Variants in PARD3 observed in about 807,000 individuals in gnomAD.
PARD3 encodes the protein partitioning defective 3 homolog.
PARD3 carries 75 observed loss-of-function variants against 155.4 expected under a neutral mutation model. That is an observed-to-expected ratio of 0.48 (90% CI 0.40 to 0.58). The LOEUF is 0.58. PARD3 is among the 20% of genes least tolerant of loss of function. PARD3 has a pLI of 0.00. For missense variants in PARD3, 1,642 were observed against 1,721.7 expected (o/e 0.95, Z 0.82); for synonymous variants, 576 against 610.5 (o/e 0.94, Z 0.83).
chr10:34,695,017 A>AT (rs796884436), intron 2 of PARD3, among the ~76,000 whole-genome samples: 21 of 152,206 alleles, frequency 1.4e-4, no homozygotes, highest in African/African-American at 5.1e-4. Context: ...TATCTGGGTG[A>AT]TCTTACCATC....
At chr10:34,683,277 T>C (rs191451397) in intron 2 of PARD3, among the ~76,000 whole-genome samples, 2 of 151,996 alleles carry the variant, frequency 1.3e-5, no homozygotes, top group East Asian at 3.9e-4. Flanking sequence ...GCAAAACTAT[T>C]TACCGGGTAC....
At chr10:34,787,553 G>A (rs748024859) in intron 1 of PARD3, among the ~76,000 whole-genome samples, 1 of 152,140 alleles carries the variant, frequency 6.6e-6, no homozygotes, top group East Asian at 1.9e-4. Flanking sequence ...AGGCTGCAGA[G>A]CATTTGAGCA....
At chr10:34,429,783 C>T (rs2075812119) in intron 5 of PARD3, among the ~76,000 whole-genome samples, 1 of 152,154 alleles carries the variant, frequency 6.6e-6, no homozygotes, top group Non-Finnish European at 1.5e-5. Context: ...GACACGGTTT[C>T]ACTATATTGG....
At chr10:34,205,821 C>G (rs17552880) in intron 22 of PARD3, among the ~76,000 whole-genome samples, 10,952 of 152,204 alleles carry the variant, frequency 0.072, 583 homozygotes, top group Middle Eastern at 0.12. Flanking sequence ...CTGCTGTGGC[C>G]ATTGTAGTTG....
chr10:34,182,871 T>C (rs1301004225), intron 22 of PARD3, among the ~76,000 whole-genome samples: 2 of 152,188 alleles, frequency 1.3e-5, no homozygotes, highest in Admixed American at 1.3e-4. Context: ...CTGTGCATAG[T>C]GTCTTTCTCA....
chr10:34,723,110 G>A (rs1031491898), intron 1 of PARD3, among the ~76,000 whole-genome samples: 1 of 152,098 alleles, frequency 6.6e-6, no homozygotes, highest in Non-Finnish European at 1.5e-5. Context: ...TTGGGAGGCT[G>A]AGGTGGGAGA....
At chr10:34,403,537 T>G (rs1019571246) in intron 5 of PARD3, among the ~76,000 whole-genome samples, 1 of 152,140 alleles carries the variant, frequency 6.6e-6, no homozygotes, top group Admixed American at 6.6e-5. Context: ...CAACTGACAT[T>G]TCCTTTGCGA....
chr10:34,728,565 T>TACTG (rs1564553649), intron 1 of PARD3, among the ~76,000 whole-genome samples: 1 of 152,160 alleles, frequency 6.6e-6, no homozygotes, highest in African/African-American at 2.4e-5. Flanking sequence ...CTGACACACT[T>TACTG]GTGTTTGTCC....
At chr10:34,345,100 T>G in intron 15 of PARD3, 1 of 983,770 alleles carries the variant, frequency 1.0e-6, no homozygotes, top group Non-Finnish European at 1.2e-6. Flanking sequence ...AGAATGAAGA[T>G]CTCAGCATTC....
At chr10:34,271,889 T>A (rs938596672) in intron 21 of PARD3, among the ~76,000 whole-genome samples, 7 of 152,226 alleles carry the variant, frequency 4.6e-5, no homozygotes, top group Admixed American at 3.3e-4. Context: ...ATTCTCCATA[T>A]GCTGGCAATG....
chr10:34,330,117 A>G (rs1449177230), intron 19 of PARD3, among the ~76,000 whole-genome samples: 1 of 152,188 alleles, frequency 6.6e-6, no homozygotes, highest in Non-Finnish European at 1.5e-5. Flanking sequence ...CTATTCGTAC[A>G]ATAGTTTGAT....
At chr10:34,536,697 GA>G (rs2083257978) in intron 2 of PARD3, among the ~76,000 whole-genome samples, 1 of 152,172 alleles carries the variant, frequency 6.6e-6, no homozygotes, top group South Asian at 2.1e-4. Context: ...TCACCAGTGT[GA>G]AGTCTTGAAT....
In PARD3 at chr10:34,399,322, T is replaced by C. The variant is rs374910742; in HGVS notation, c.890+8A>G. On this transcript the variant is annotated splice_region_variant and intron_variant, in intron 7 of 24. Coordinates refer to ENST00000374788, the MANE Select transcript of PARD3 (RefSeq NM_001184785.2). ...ATGATTCAATTAAAAACCTCCAAGA[T>C]ACGTTACCTGCCGCCTCGAGCACTG... 2.6e-6 allele frequency: 4 copies of C among 1,559,038 alleles called. No homozygotes were observed. Among genetic ancestry groups the C allele is most frequent in the South Asian group, 2.2e-5 (2 of 90,038 alleles).
intron 5 of PARD3, among the ~76,000 whole-genome samples, chr10:34,405,053 C>CA (rs1844292065): frequency 6.7e-6 from 1 of 149,192 alleles, no homozygotes; most frequent in East Asian, 2.0e-4. Context: ...GCCTGGGTGA[C>CA]AGAGTGAGAC....
At chr10:34,690,548 G>T (rs774411184) in intron 2 of PARD3, among the ~76,000 whole-genome samples, 1 of 152,138 alleles carries the variant, frequency 6.6e-6, no homozygotes, top group Non-Finnish European at 1.5e-5. Flanking sequence ...ATTGAGTTCA[G>T]CATTCTCAGA....
At chr10:34,642,269 T>A (rs1177634413) in intron 2 of PARD3, among the ~76,000 whole-genome samples, 1 of 152,042 alleles carries the variant, frequency 6.6e-6, no homozygotes, top group African/African-American at 2.4e-5. Context: ...CTCCACTCAA[T>A]CCTTCCAACT....
chr10:34,437,408 A>G (rs991685099), intron 5 of PARD3, among the ~76,000 whole-genome samples: 4 of 152,198 alleles, frequency 2.6e-5, no homozygotes, highest in African/African-American at 7.2e-5. Flanking sequence ...CCAAATATCC[A>G]TGTACAAAAA....
chr10:34,779,702 T>C (rs1840026977), intron 1 of PARD3, among the ~76,000 whole-genome samples: 1 of 152,202 alleles, frequency 6.6e-6, no homozygotes, highest in Admixed American at 6.5e-5. Flanking sequence ...ATTCAGTCCT[T>C]CTGTGAAGAA....
chr10:34,524,607 C>T (rs1282501949), intron 2 of PARD3, among the ~76,000 whole-genome samples: 1 of 152,196 alleles, frequency 6.6e-6, no homozygotes, highest in African/African-American at 2.4e-5. Flanking sequence ...AGCTAACTGA[C>T]CCACCTGCCA....
Sources: allele counts gnomAD v4.1 joint callset (sites outside exome capture counted in the v4.1 genomes callset), GRCh38; gene constraint gnomAD v4.1.1; transcripts MANE v1.5; gene names NCBI Gene and HGNC (gene_info 2026-07-23, HGNC 2026-07-21).